The following SOS2 variants were observed in gnomAD, a reference collection of about 807,000 sequenced individuals.
The protein encoded by SOS2 is son of sevenless homolog 2.
A neutral mutation model predicts 148.2 loss-of-function variants in SOS2; 65 were observed. The observed-to-expected ratio is 0.44, with a 90% CI of 0.36 to 0.54. The LOEUF is 0.54. Ranked by LOEUF, SOS2 falls within the 20% of genes least tolerant of loss-of-function variation. SOS2 has a pLI of 0.00. For missense variants in SOS2, 1,341 were observed against 1,590.2 expected, an observed-to-expected ratio of 0.84 and a Z score of 2.67; for synonymous variants, 539 against 537.1, an observed-to-expected ratio of 1.00 and a Z score of -0.05.
intron 18 of SOS2, among the ~76,000 whole-genome samples, chr14:50,137,090 A>G (rs1213862104): frequency 6.6e-6 from 1 of 152,174 alleles, no homozygotes; most frequent in Non-Finnish European, 1.5e-5. Flanking sequence ...TGACACGTAA[A>G]CTTATTCTGG....
intron 5 of SOS2, among the ~76,000 whole-genome samples, chr14:50,183,096 T>G (rs1885795633): frequency 6.6e-6 from 1 of 152,224 alleles, no homozygotes; most frequent in African/African-American, 2.4e-5. Flanking sequence ...ACTCATTCTT[T>G]GTAAAAATAA....
intron 1 of SOS2, among the ~76,000 whole-genome samples, chr14:50,209,630 G>A (rs569389658): frequency 3.8e-4 from 57 of 151,928 alleles, no homozygotes; most frequent in African/African-American, 1.1e-3. Context: ...GTGGTGGCAC[G>A]CAACTGTAGT....
At chr14:50,128,431 TAAAC>T (rs1883753931) in intron 21 of SOS2, among the ~76,000 whole-genome samples, 1 of 115,428 alleles carries the variant, frequency 8.7e-6, no homozygotes, top group Non-Finnish European at 1.9e-5. Context: ...CAAACAAACC[TAAAC>T]AAACAAACAA....
rs1884612644 is a variant in SOS2 at position 50,150,080 on chromosome 14, G to C, written c.2312C>G (p.Thr771Arg). 1 of 1,613,916 alleles carries C rather than the reference G, an allele frequency of 6.2e-7. No individual in the cohort carries two copies. The highest frequency in any genetic ancestry group is 8.5e-7 in the Non-Finnish European group (1 of 1,179,934). The change falls in exon 14 of 23, where the codon ACA becomes AGA. Residue 771 changes from threonine to arginine, a missense_variant. This residue lies in a region of SOS2 where 408 missense variants were observed against 506.6 expected (regional missense o/e 0.81). Coordinates refer to ENST00000216373, the MANE Select transcript of SOS2 (RefSeq NM_006939.4). ...WHISKPGQFETFDLMTLHPIE... is the reference protein window; with the variant it reads ...WHISKPGQFERFDLMTLHPIE... ...TGGATGAAGTGTCATGAGATCAAATGTTTCAAACTGTCCTGGTTTGCTGAT... is the reference window on the plus strand; with the variant it reads ...TGGATGAAGTGTCATGAGATCAAATCTTTCAAACTGTCCTGGTTTGCTGAT...
At chr14:50,209,274 C>CGTGTGTGTGTCTGTGTGTGTGT (rs1886780957) in intron 1 of SOS2, among the ~76,000 whole-genome samples, 1 of 118,276 alleles carries the variant, frequency 8.5e-6, no homozygotes, top group African/African-American at 2.9e-5. Context: ...CCTTAAATGT[C>CGTGTGTGTGTCTGTGTGTGTGT]GTGTGTGTGT....
At chr14:50,153,229 C>A (rs1350119916) in intron 12 of SOS2, 56 bp from the exon 13 acceptor site, 3 of 933,424 alleles carry the variant, frequency 3.2e-6, no homozygotes, top group Non-Finnish European at 5.2e-6. Context: ...AATTACACTT[C>A]TTCCTTCTCT....
chr14:50,203,748 G>A (rs1157941441), intron 2 of SOS2, among the ~76,000 whole-genome samples: 1 of 151,172 alleles, frequency 6.6e-6, no homozygotes, highest in Non-Finnish European at 1.5e-5. Context: ...TTTTAGAAAT[G>A]CTTATGTCTG....
intron 1 of SOS2, among the ~76,000 whole-genome samples, chr14:50,207,529 T>C (rs1480171065): frequency 6.6e-6 from 1 of 150,558 alleles, no homozygotes; most frequent in African/African-American, 2.4e-5. Flanking sequence ...AACAAAATTA[T>C]AGGCCATTTT....
chr14:50,149,571 A>G lies in SOS2; in HGVS notation c.2384+437T>C, dbSNP rs73283405. 8.8e-3 allele frequency among the ~76,000 whole-genome samples: 1,344 copies of G among 152,228 alleles called. 17 individuals carry two copies. The highest frequency in any genetic ancestry group is 0.031 in the African/African-American group (1,284 of 41,532). The stretch of plus-strand genomic sequence containing the variant: ...TTGATGGAATGATAATGATAGTGAC[A>G]TTTTTCGACAGAGAGCTGTTACATG... On this transcript the variant is annotated intron_variant, in intron 14 of 22. Coordinates refer to ENST00000216373, the MANE Select transcript of SOS2 (RefSeq NM_006939.4).
At chr14:50,214,015 G>C (rs1886967489) in intron 1 of SOS2, among the ~76,000 whole-genome samples, 1 of 151,890 alleles carries the variant, frequency 6.6e-6, no homozygotes, top group Non-Finnish European at 1.5e-5. Context: ...TTCTTTCTTA[G>C]AAATATAGAA....
At chr14:50,175,828 T>TA (rs909258259) in intron 7 of SOS2, among the ~76,000 whole-genome samples, 1 of 152,166 alleles carries the variant, frequency 6.6e-6, no homozygotes, top group Non-Finnish European at 1.5e-5. Flanking sequence ...TATGCTGCTT[T>TA]AAAAAAATCT....
At chr14:50,209,274 CGTGTGTGTGTGT>C (rs140994310) in intron 1 of SOS2, among the ~76,000 whole-genome samples, 2,037 of 118,362 alleles carry the variant, frequency 0.017, 24 homozygotes, top group East Asian at 0.027. Flanking sequence ...CCTTAAATGT[CGTGTGTGTGTGT>C]GTGTGTGTGT....
At chr14:50,151,471 C>T (rs1393908353) in intron 13 of SOS2, among the ~76,000 whole-genome samples, 2 of 152,092 alleles carry the variant, frequency 1.3e-5, no homozygotes, top group Admixed American at 6.6e-5. Flanking sequence ...CATGATAATT[C>T]CCTAGGTTTA....
chr14:50,198,463 C>T (rs150421119), intron 4 of SOS2, among the ~76,000 whole-genome samples: 2 of 152,266 alleles, frequency 1.3e-5, no homozygotes, highest in African/African-American at 4.8e-5. Flanking sequence ...ATCGTACAAT[C>T]GGTCTCAGTC....
chr14:50,229,152 A>G (rs1183441998), intron 1 of SOS2, among the ~76,000 whole-genome samples: 1 of 152,230 alleles, frequency 6.6e-6, no homozygotes, highest in Non-Finnish European at 1.5e-5. Context: ...AGCTCTTAGC[A>G]GGCACTACAG....
chr14:50,123,962 T>C (rs887223958), intron 21 of SOS2, among the ~76,000 whole-genome samples: 1 of 152,156 alleles, frequency 6.6e-6, no homozygotes, highest in African/African-American at 2.4e-5. Flanking sequence ...GATACTTCTA[T>C]TACACTATTT....
At chr14:50,161,396 A>ACAATAAAT in intron 9 of SOS2, 86 bp downstream of exon 9, 8 of 1,008,586 alleles carry the variant, frequency 7.9e-6, no homozygotes, top group Non-Finnish European at 1.2e-5. Flanking sequence ...TGTAACTATC[A>ACAATAAAT]CAATAAATCA....
intron 4 of SOS2, among the ~76,000 whole-genome samples, chr14:50,195,461 T>TA (rs765041219): frequency 3.9e-5 from 6 of 152,034 alleles, no homozygotes; most frequent in Non-Finnish European, 5.9e-5. Flanking sequence ...GAATGACTTA[T>TA]TAAAAAAAAA....
At chr14:50,123,222 G>A (rs1883575955) in intron 21 of SOS2, among the ~76,000 whole-genome samples, 1 of 152,156 alleles carries the variant, frequency 6.6e-6, no homozygotes, top group Admixed American at 6.5e-5. Context: ...GCAAAGCACT[G>A]ATGCAATAAT....
Sources: allele counts gnomAD v4.1 joint callset (sites outside exome capture counted in the v4.1 genomes callset), GRCh38; gene constraint gnomAD v4.1.1; regional missense constraint gnomAD v4.1.1; transcripts MANE v1.5; gene names NCBI Gene and HGNC (gene_info 2026-07-23, HGNC 2026-07-21).